MANBA: variants seen among roughly 807,000 people sequenced by gnomAD.
MANBA encodes the protein beta-mannosidase.
A neutral mutation model predicts 111.1 loss-of-function variants in MANBA; 83 were observed. That is an observed-to-expected ratio of 0.75 (90% CI 0.63 to 0.90). The LOEUF is 0.90. Among genes scored for constraint, MANBA ranks in the 40% least tolerant of loss-of-function variants. The pLI is 0.00. For synonymous variants in MANBA, 370 were observed against 378.7 expected, an observed-to-expected ratio of 0.98 and a Z score of 0.27; for missense variants, 1,036 against 1,069.0, an observed-to-expected ratio of 0.97 and a Z score of 0.43.
chr4:102,662,139 T>C (rs760465869), intron 11 of MANBA, among the ~76,000 whole-genome samples: 16 of 152,150 alleles, frequency 1.1e-4, no homozygotes, highest in Non-Finnish European at 2.4e-4. Flanking sequence ...CTTAAGAATG[T>C]AGTGTTAAAA....
At chr4:102,664,628 A>T in intron 11 of MANBA, 57 bp downstream of exon 11, 2 of 1,503,132 alleles carry the variant, frequency 1.3e-6, no homozygotes, top group Non-Finnish European at 1.9e-6. Context: ...GTGAGCCACC[A>T]CGCCCAGCCC....
At chr4:102,717,437 T>C (rs1261743183) in intron 4 of MANBA, among the ~76,000 whole-genome samples, 1 of 151,532 alleles carries the variant, frequency 6.6e-6, no homozygotes, top group Non-Finnish European at 1.5e-5. Context: ...TTTTTTTTTT[T>C]TTTTGAGATG....
intron 7 of MANBA, among the ~76,000 whole-genome samples, chr4:102,683,154 A>G (rs1046055091): frequency 1.5e-4 from 23 of 151,992 alleles, no homozygotes; most frequent in Non-Finnish European, 1.5e-4. Context: ...TAAGAAACAA[A>G]GAACAAAGTG....
chr4:102,642,774 CA>C (rs945578713), intron 13 of MANBA, among the ~76,000 whole-genome samples: 17 of 152,122 alleles, frequency 1.1e-4, no homozygotes, highest in African/African-American at 3.9e-4. Flanking sequence ...AGCTGTCTTC[CA>C]AAACCAATAT....
intron 10 of MANBA, chr4:102,668,761 G>A: frequency 1.8e-6 from 1 of 556,438 alleles, no homozygotes; most frequent in Non-Finnish European, 3.3e-6. Context: ...CAGGACTGGG[G>A]ATAAATCTGG....
intron 1 of MANBA, among the ~76,000 whole-genome samples, chr4:102,747,908 C>A (rs1723645081): frequency 6.6e-6 from 1 of 152,194 alleles, no homozygotes; most frequent in Non-Finnish European, 1.5e-5. Context: ...TTCAAGGAGA[C>A]ACAGAGACAA....
At chr4:102,729,815 C>T (rs1184445668) in intron 1 of MANBA, 1 of 1,247,978 alleles carries the variant, frequency 8.0e-7, no homozygotes, top group Admixed American at 1.7e-5. Flanking sequence ...ACTTAGTCTC[C>T]AGCATCTTGT....
At chr4:102,710,174 G>C (rs1721994875) in intron 5 of MANBA, among the ~76,000 whole-genome samples, 1 of 152,082 alleles carries the variant, frequency 6.6e-6, no homozygotes, top group Non-Finnish European at 1.5e-5. Context: ...AATAAAGCAA[G>C]AGAAAAACAT....
chr4:102,714,404 C>CA, intron 5 of MANBA, 34 bp downstream of exon 5: 1 of 1,580,852 alleles, frequency 6.3e-7, no homozygotes, highest in South Asian at 1.1e-5. Flanking sequence ...CAAGAAGACT[C>CA]AAAAAGAAAA....
chr4:102,733,567 C>T lies in MANBA; in HGVS notation c.178-6884G>A, dbSNP rs139370250. Among the ~76,000 whole-genome samples the T allele has an allele frequency of 4.3e-4, 65 of 152,184 alleles. No individual in the cohort carries two copies. The East Asian group carries it at 0.011, about 27-fold the overall frequency. On this transcript the variant is annotated intron_variant, in intron 1 of 16. Coordinates refer to ENST00000647097, the MANE Select transcript of MANBA (RefSeq NM_005908.4). ...TAGAGATGGAGATCTTACTATGTTG[C>T]CAAGGCTGGTCTCAAAATCCTTAGC...
intron 2 of MANBA, among the ~76,000 whole-genome samples, chr4:102,725,538 T>C (rs1195046232): frequency 6.6e-6 from 1 of 152,110 alleles, no homozygotes; most frequent in Non-Finnish European, 1.5e-5. Flanking sequence ...CACAGACAAG[T>C]GAGAAGTTTA....
Position 102,659,281 on chromosome 4 carries a change from G to A in MANBA, c.1486-1381C>T, listed in dbSNP as rs1037920162. ...ATGATGAATATTTTGAAGGAAAAGCGCAAGGCTCTTTGGGAATGTAAAACA... is the reference window on the plus strand; with the variant it reads ...ATGATGAATATTTTGAAGGAAAAGCACAAGGCTCTTTGGGAATGTAAAACA... On this transcript the variant is annotated intron_variant, in intron 11 of 16. Transcript: ENST00000647097. 2.0e-5 allele frequency among the ~76,000 whole-genome samples: 3 copies of A among 152,254 alleles called. No individual in the cohort carries two copies. In the South Asian group the frequency reaches 6.2e-4, roughly 32 times the overall value.
intron 14 of MANBA, 79 bp from the exon 15 acceptor site, chr4:102,636,086 G>T: frequency 7.6e-7 from 1 of 1,309,346 alleles, no homozygotes; most frequent in Non-Finnish European, 1.1e-6. Context: ...AGCTGTTTGT[G>T]GCTCATCGGG....
chr4:102,719,120 A>G (rs1228713901), intron 4 of MANBA, among the ~76,000 whole-genome samples: 1 of 152,194 alleles, frequency 6.6e-6, no homozygotes, highest in Admixed American at 6.5e-5. Flanking sequence ...AGGGTACTGC[A>G]GGAGACCAGG....
chr4:102,684,107 T>G (rs1490853080), intron 7 of MANBA, among the ~76,000 whole-genome samples: 1 of 148,454 alleles, frequency 6.7e-6, no homozygotes, highest in Admixed American at 6.6e-5. Flanking sequence ...ATATACTCAG[T>G]TAAAAAAAAA....
intron 12 of MANBA, among the ~76,000 whole-genome samples, chr4:102,653,267 A>C (rs539191629): frequency 2.6e-4 from 37 of 141,148 alleles, no homozygotes; most frequent in Middle Eastern, 7.5e-3. Context: ...CACACACACA[A>C]GGTATTTACT....
At chr4:102,752,786 A>G (rs983652102) in intron 1 of MANBA, 2 of 336,132 alleles carry the variant, frequency 6.0e-6, no homozygotes, top group African/African-American at 4.3e-5. Flanking sequence ...ACATTTAACT[A>G]TCTTTTTCTT....
intron 5 of MANBA, among the ~76,000 whole-genome samples, chr4:102,691,184 A>C (rs893064748): frequency 2.0e-5 from 3 of 152,128 alleles, no homozygotes; most frequent in Non-Finnish European, 4.4e-5. Flanking sequence ...TGGGTTTTAA[A>C]GTTATGTAAT....
At chr4:102,679,662 C>T (rs1731875305) in intron 7 of MANBA, 1 of 152,094 alleles carries the variant, frequency 6.6e-6, no homozygotes, top group African/African-American at 2.4e-5. Context: ...TTTGGACATA[C>T]ATGTTCAACA....
Sources: allele counts gnomAD v4.1 joint callset (sites outside exome capture counted in the v4.1 genomes callset), GRCh38; gene constraint gnomAD v4.1.1; transcripts MANE v1.5; gene names NCBI Gene and HGNC (gene_info 2026-07-23, HGNC 2026-07-21).